Variants in IFFO2 observed in about 807,000 individuals in gnomAD.
IFFO2 encodes the protein intermediate filament family orphan 2.
IFFO2 carries 19 observed loss-of-function variants against 53.5 expected under a neutral mutation model. The ratio of observed to expected loss-of-function variants is 0.36; its 90% CI spans 0.25 to 0.52. IFFO2 has a LOEUF of 0.52. Among genes scored for constraint, IFFO2 ranks in the 20% least tolerant of loss-of-function variants. IFFO2 has a pLI of 0.94. For synonymous variants in IFFO2, 303 were observed against 313.6 expected, an observed-to-expected ratio of 0.97 and a Z score of 0.36; for missense variants, 570 against 727.4, an observed-to-expected ratio of 0.78 and a Z score of 2.49.
chr1:18,910,592 T>C (rs1445024561), intron 7 of IFFO2, 120 bp from the exon 8 acceptor site: 6 of 1,160,454 alleles, frequency 5.2e-6, no homozygotes, highest in African/African-American at 4.6e-5. Context: ...TTGGACACCA[T>C]GCCATCAGGA....
chr1:18,919,590 G>T lies in IFFO2; in HGVS notation c.822+88C>A. The T allele has an allele frequency of 1.1e-6, 1 of 874,982 alleles. No homozygotes were observed. Among genetic ancestry groups the T allele is most frequent in the Non-Finnish European group, 1.9e-6 (1 of 534,584 alleles). 54.2% of individuals were successfully genotyped at this position (874,982 alleles called of 1,614,324 possible). ...CCAGCCAGGATTCTAACTAGAAGCC[G>T]AGCCCCGGAGCCTCGGAGGGAATGA... On this transcript the variant is annotated intron_variant, in intron 3 of 8. Coordinates refer to ENST00000455833, the MANE Select transcript of IFFO2 (RefSeq NM_001136265.2). This position sits in a 1 kb window ranked among gnomAD's most constrained non-coding sequence, Gnocchi z 4.9.
At position 18,926,879 on chromosome 1, in the gene IFFO2, G is replaced by A. The variant is rs563152240; in HGVS notation, c.666-5758C>T. On this transcript the variant is annotated intron_variant, in intron 1 of 8. Coordinates refer to ENST00000455833, the MANE Select transcript of IFFO2 (RefSeq NM_001136265.2). ...CCTGTGCAGTCAGAAAAAGAGGCTC[G>A]AGGCTCCCGCTCAGGAGGAAAGTAG... is the stretch of plus-strand genomic sequence containing the variant. Among the ~76,000 whole-genome samples the A allele has an allele frequency of 1.6e-4, 25 of 152,282 alleles. No homozygotes were observed. The East Asian group carries it at 2.3e-3, about 14-fold the overall frequency.
chr1:18,932,943 G>A (rs1936398127), intron 1 of IFFO2, among the ~76,000 whole-genome samples: 1 of 152,206 alleles, frequency 6.6e-6, no homozygotes, highest in Non-Finnish European at 1.5e-5. Flanking sequence ...AGCGTTGGGT[G>A]TTTCTGGAGA....
Position 18,955,685 on chromosome 1 carries a change from G to C in IFFO2, c.648C>G (p.Arg216=). 2 of 1,588,232 alleles carry C rather than the reference G, an allele frequency of 1.3e-6. No homozygotes were observed. Among genetic ancestry groups the C allele is most frequent in the Non-Finnish European group, 1.7e-6 (2 of 1,170,712 alleles). Residue 216 remains arginine, a synonymous_variant, in exon 1 of 9, where the codon CGC becomes CGG. Transcript: ENST00000455833. ...CCACTCACCTCCGCTTATACTCGTCGCGCTCGCGCTTCACCTTGGCCAGCA... is the reference window on the plus strand; with the variant it reads ...CCACTCACCTCCGCTTATACTCGTCCCGCTCGCGCTTCACCTTGGCCAGCA... ...YNVLAKVKRE[R]DEYKRRWEEE...
Position 18,919,647 on chromosome 1 carries a change from A to T in IFFO2, c.822+31T>A, listed in dbSNP as rs1320722043. 5 of 1,468,504 alleles carry T rather than the reference A, an allele frequency of 3.4e-6. No homozygotes were observed. In the South Asian group the frequency reaches 6.1e-5, roughly 18 times the overall value. 91.0% of individuals were successfully genotyped at this position (1,468,504 alleles called of 1,614,324 possible). On this transcript the variant is annotated intron_variant, in intron 3 of 8. Transcript: ENST00000455833. This position sits in a 1 kb window ranked among gnomAD's most constrained non-coding sequence, Gnocchi z 4.9. Reference sequence around the variant, plus strand: ...TTGCATGATGGGTGTGGGGGAGGTCATGACACCCAGGGGCGGCGGGCGGCA... The same window carrying T: ...TTGCATGATGGGTGTGGGGGAGGTCTTGACACCCAGGGGCGGCGGGCGGCA...
intron 1 of IFFO2, among the ~76,000 whole-genome samples, chr1:18,952,696 G>A (rs1936673285): frequency 6.6e-6 from 1 of 152,152 alleles, no homozygotes; most frequent in South Asian, 2.1e-4. Context: ...ACCTGGGCTG[G>A]GCTTGGAATT....
intron 1 of IFFO2, among the ~76,000 whole-genome samples, chr1:18,942,310 C>G (rs1213386160): frequency 6.6e-6 from 1 of 152,210 alleles, no homozygotes; most frequent in African/African-American, 2.4e-5. Flanking sequence ...GACTATGTTT[C>G]CAGAGCTCCT....
rs190264810 is a variant in IFFO2, at chr1:18,913,575, C to A, written c.1104-1492G>T. 3.3e-4 allele frequency among the ~76,000 whole-genome samples: 51 copies of A among 152,342 alleles called. No individual in the cohort carries two copies. The East Asian group carries it at 9.9e-3, about 30-fold the overall frequency. ...ACACGTTCCCCCTCTTCTCCTTGGT[C>A]TGAAGCCCAAACAACCGACTTGGAT... On this transcript the variant is annotated intron_variant, in intron 5 of 8. Coordinates refer to ENST00000455833, the MANE Select transcript of IFFO2 (RefSeq NM_001136265.2).
chr1:18,939,396 C>T (rs1167607012), intron 1 of IFFO2, among the ~76,000 whole-genome samples: 3 of 152,364 alleles, frequency 2.0e-5, no homozygotes, highest in East Asian at 1.9e-4. Context: ...AAGGAGGACA[C>T]CCAACTCGGA....
In IFFO2 at chr1:18,911,952, G is replaced by A. The variant is rs767467659; in HGVS notation, c.1224+11C>T. Reference sequence around the variant, plus strand: ...AGTCCTGGCCTTTGGGAAGCCAGGCGCTGGGCTTACCTCGCCCTGCAGGTC... The same window carrying A: ...AGTCCTGGCCTTTGGGAAGCCAGGCACTGGGCTTACCTCGCCCTGCAGGTC... On this transcript the variant is annotated intron_variant, in intron 6 of 8. Coordinates refer to ENST00000455833, the MANE Select transcript of IFFO2 (RefSeq NM_001136265.2). 40 of 1,551,360 alleles carry A rather than the reference G, an allele frequency of 2.6e-5. No homozygotes were observed. The East Asian group carries it at 3.9e-4, about 15-fold the overall frequency.
At position 18,908,149 on chromosome 1, in the gene IFFO2, G is replaced by C. The variant is rs767602609; in HGVS notation, c.*412C>G. 1.7e-4 allele frequency: 35 copies of C among 211,382 alleles called. No individual in the cohort carries two copies. Among genetic ancestry groups the C allele is most frequent in the Non-Finnish European group, 6.9e-5 (7 of 101,592 alleles). 13.1% of individuals were successfully genotyped at this position (211,382 alleles called of 1,614,324 possible). On this transcript the variant is annotated 3_prime_UTR_variant, in exon 9 of 9. Coordinates refer to ENST00000455833, the MANE Select transcript of IFFO2 (RefSeq NM_001136265.2). ...GGCCAATCAGAGGAGCAGGTGGGAC[G>C]GACGGCAGAAACCACATTACACCAC...
At position 18,918,617 on chromosome 1, in the gene IFFO2, A is replaced by T; in HGVS notation, c.823-115T>A. 2.9e-6 allele frequency: 3 copies of T among 1,022,044 alleles called. No individual in the cohort carries two copies. The highest frequency in any genetic ancestry group is 2.5e-5 in the Admixed American group (1 of 40,072). 63.3% of individuals were successfully genotyped at this position (1,022,044 alleles called of 1,614,324 possible). A position where few individuals can be genotyped will look rare whatever the true frequency, so the allele number is the denominator to read the frequency against. The stretch of plus-strand genomic sequence containing the variant: ...GCAGGGGTGGTGCGGGGAGGCCTCC[A>T]GAGTCCGAGGGTGCCTTGGGCTTTT... On this transcript the variant is annotated intron_variant, in intron 3 of 8. Coordinates refer to ENST00000455833, the MANE Select transcript of IFFO2 (RefSeq NM_001136265.2). This position sits in a 1 kb window ranked among gnomAD's most constrained non-coding sequence, Gnocchi z 5.2.
chr1:18,956,164 A>T lies in IFFO2; in HGVS notation c.169T>A (p.Leu57Met). Reference protein sequence around the residue: ...RDDLGSNIHLLKGLNVRFRCF... With the variant: ...RDDLGSNIHLMKGLNVRFRCF... ...CGGAAGCGCACGTTGAGCCCCTTCA[A>T]GAGGTGGATGTTGGAGCCCAGGTCG... The change falls in exon 1 of 9, where the codon TTG (leucine) becomes ATG (methionine). Residue 57 changes from leucine to methionine, a missense_variant. Leu to Met is a conservative substitution (Grantham distance 15). Coordinates refer to ENST00000455833, the MANE Select transcript of IFFO2 (RefSeq NM_001136265.2). This position sits in a 1 kb window ranked among gnomAD's most constrained non-coding sequence, Gnocchi z 6.4. 1 of 1,480,886 alleles carries T rather than the reference A, an allele frequency of 6.8e-7. No homozygotes were observed. Among genetic ancestry groups the T allele is most frequent in the Non-Finnish European group, 9.0e-7 (1 of 1,105,296 alleles). 91.7% of individuals were successfully genotyped at this position (1,480,886 alleles called of 1,614,324 possible). A position where few individuals can be genotyped will look rare whatever the true frequency, so the allele number is the denominator to read the frequency against.
intron 1 of IFFO2, among the ~76,000 whole-genome samples, chr1:18,955,446 T>C (rs1936711353): frequency 3.3e-5 from 5 of 152,196 alleles, no homozygotes; most frequent in Admixed American, 3.3e-4. Context: ...GCCTCACCAG[T>C]GACAGCATCG....
chr1:18,911,138 T>TCAC lies in IFFO2; in HGVS notation c.1317+245_1317+246insGTG, dbSNP rs200303761. Among the ~76,000 whole-genome samples the TCAC allele has an allele frequency of 2.2e-3, 328 of 152,220 alleles. 2 individuals carry two copies. The highest frequency in any genetic ancestry group is 7.6e-3 in the African/African-American group (316 of 41,500). On this transcript the variant is annotated intron_variant, in intron 7 of 8. Transcript: ENST00000455833. ...CAGCTCTGTGGTTATTATGGGATCA[T>TCAC]CTCAGCTACATATATTCTTTCTAAT...
At position 18,946,003 on chromosome 1, in the gene IFFO2, G is replaced by A. The variant is rs375500485; in HGVS notation, c.665+9665C>T. Among the ~76,000 whole-genome samples the A allele has an allele frequency of 5.3e-5, 8 of 152,202 alleles. No homozygotes were observed. The East Asian group carries it at 1.2e-3, about 22-fold the overall frequency. On this transcript the variant is annotated intron_variant, in intron 1 of 8. Transcript: ENST00000455833. Reference sequence around the variant, plus strand: ...CCACACAAACGTTCTGCTCTAAGCTGTCTAACATAGCAGGTTTCTGTCCAA... The same window carrying A: ...CCACACAAACGTTCTGCTCTAAGCTATCTAACATAGCAGGTTTCTGTCCAA...
chr1:18,938,319 A>G (rs1217135067), intron 1 of IFFO2, among the ~76,000 whole-genome samples: 1 of 152,240 alleles, frequency 6.6e-6, no homozygotes, highest in African/African-American at 2.4e-5. Flanking sequence ...CCTAGTGAGC[A>G]AGCCCCACCT....
intron 1 of IFFO2, among the ~76,000 whole-genome samples, chr1:18,929,864 T>G (rs1007312629): frequency 3.3e-5 from 5 of 152,200 alleles, no homozygotes; most frequent in Admixed American, 6.5e-5. Flanking sequence ...AATGCAATGA[T>G]GTCAAACTGG....
intron 1 of IFFO2, among the ~76,000 whole-genome samples, chr1:18,950,561 T>G (rs1167312058): frequency 6.6e-6 from 1 of 152,198 alleles, no homozygotes; most frequent in Non-Finnish European, 1.5e-5. Context: ...AGAGCCAGGA[T>G]GCAAAACCCT....
Sources: allele counts gnomAD v4.1 joint callset (sites outside exome capture counted in the v4.1 genomes callset), GRCh38; gene constraint gnomAD v4.1.1; non-coding constraint Gnocchi (gnomAD v3.1); transcripts MANE v1.5; gene names NCBI Gene and HGNC (gene_info 2026-07-23, HGNC 2026-07-21).